Variants in ULK4 observed in about 807,000 individuals in gnomAD.
ULK4 encodes inactive serine/threonine-protein kinase ULK4.
In ULK4, 133 loss-of-function variants were observed where a neutral mutation model predicts 160.6. The ratio of observed to expected loss-of-function variants is 0.83; its 90% CI spans 0.72 to 0.96. ULK4 has a LOEUF of 0.96. ULK4 is among the 40% of genes least tolerant of loss of function. The pLI is 0.00. For synonymous variants in ULK4, 534 were observed against 539.8 expected (o/e 0.99, Z 0.15); for missense variants, 1,580 against 1,499.5 (o/e 1.05, Z -0.89).
At chr3:41,935,209 A>ATTTTTTTTTTTTTTTTTTT (rs10524611) in intron 4 of ULK4, among the ~76,000 whole-genome samples, 3 of 135,552 alleles carry the variant, frequency 2.2e-5, no homozygotes, top group African/African-American at 6.5e-5. Flanking sequence ...TTATTTATTT[A>ATTTTTTTTTTTTTTTTTTT]TTTTTTTTTT....
intron 35 of ULK4, among the ~76,000 whole-genome samples, chr3:41,263,088 C>CACTG (rs1271183721): frequency 6.6e-6 from 1 of 152,170 alleles, no homozygotes; most frequent in African/African-American, 2.4e-5. Context: ...ATTTCTAAGG[C>CACTG]ACTGGCATGA....
At chr3:41,319,870 G>C (rs905388547) in intron 35 of ULK4, among the ~76,000 whole-genome samples, 4 of 152,142 alleles carry the variant, frequency 2.6e-5, no homozygotes, top group Non-Finnish European at 5.9e-5. Flanking sequence ...TAAATGGAGA[G>C]CCCAAGCCTT....
intron 35 of ULK4, among the ~76,000 whole-genome samples, chr3:41,252,597 G>A (rs1307836941): frequency 7.3e-6 from 1 of 137,286 alleles, no homozygotes; most frequent in African/African-American, 2.7e-5. Context: ...TCCAATCTCA[G>A]CAGCAGAGAT....
chr3:41,559,058 C>G (rs1436743062), intron 32 of ULK4, among the ~76,000 whole-genome samples: 2 of 136,582 alleles, frequency 1.5e-5, no homozygotes, highest in South Asian at 2.6e-4. Flanking sequence ...CCCGGTGTAT[C>G]ATGTTCCCCT....
At chr3:41,264,122 G>A (rs1283988766) in intron 35 of ULK4, among the ~76,000 whole-genome samples, 15 of 152,194 alleles carry the variant, frequency 9.9e-5, no homozygotes, top group Admixed American at 9.8e-4. Context: ...GAGAACATGT[G>A]AGGGACTTAT....
chr3:41,312,787 A>C (rs548494774), intron 35 of ULK4, among the ~76,000 whole-genome samples: 87 of 152,156 alleles, frequency 5.7e-4, no homozygotes, highest in Non-Finnish European at 1.1e-3. Context: ...CAGCCTGGGC[A>C]ACAGAGTGAG....
chr3:41,878,085 A>G (rs1379577567), intron 17 of ULK4, among the ~76,000 whole-genome samples: 2 of 135,060 alleles, frequency 1.5e-5, no homozygotes, highest in African/African-American at 7.7e-5. Flanking sequence ...TACCAGGAAA[A>G]AAAAAAAAAA....
chr3:41,541,429 A>G (rs2086691283), intron 32 of ULK4, among the ~76,000 whole-genome samples: 1 of 152,128 alleles, frequency 6.6e-6, no homozygotes, highest in Non-Finnish European at 1.5e-5. Context: ...TTGTTACTGT[A>G]GCCTTGTAGC....
At chr3:41,805,996 CA>C (rs1419806397) in intron 19 of ULK4, among the ~76,000 whole-genome samples, 1 of 144,850 alleles carries the variant, frequency 6.9e-6, no homozygotes, top group African/African-American at 2.6e-5. Context: ...ATGCTGGCCT[CA>C]TAAAATGAGT....
At chr3:41,850,660 T>TTTGG (rs1204206532) in intron 17 of ULK4, among the ~76,000 whole-genome samples, 2 of 151,756 alleles carry the variant, frequency 1.3e-5, no homozygotes, top group East Asian at 1.9e-4. Context: ...GATGGGGTTG[T>TTTGG]TTTTTTCTTG....
chr3:41,397,003 T>G (rs1480302498), intron 35 of ULK4, among the ~76,000 whole-genome samples: 1 of 152,076 alleles, frequency 6.6e-6, no homozygotes, highest in Non-Finnish European at 1.5e-5. Flanking sequence ...TGTCTACCTA[T>G]CAAATTGGTG....
intron 35 of ULK4, among the ~76,000 whole-genome samples, chr3:41,380,888 A>T (rs2081635229): frequency 6.6e-6 from 1 of 152,066 alleles, no homozygotes; most frequent in South Asian, 2.1e-4. Context: ...GCTGTAACTG[A>T]AACTGGGCTT....
At chr3:41,469,602 C>CAAAAAAA (rs71616008) in intron 32 of ULK4, among the ~76,000 whole-genome samples, 9 of 11,306 alleles carry the variant, frequency 8.0e-4, no homozygotes, top group African/African-American at 2.5e-3. Context: ...CTACACCTGC[C>CAAAAAAA]AAAAAAAAAA....
chr3:41,526,389 C>T (rs2086118014), intron 32 of ULK4, among the ~76,000 whole-genome samples: 3 of 152,290 alleles, frequency 2.0e-5, no homozygotes, highest in East Asian at 3.9e-4. Context: ...TACTTAAACA[C>T]TCAAGAGACC....
chr3:41,594,851 A>G (rs1343811741), intron 31 of ULK4, among the ~76,000 whole-genome samples: 1 of 152,140 alleles, frequency 6.6e-6, no homozygotes, highest in African/African-American at 2.4e-5. Flanking sequence ...CTGAAACAGG[A>G]TGGTGGCTTG....
intron 34 of ULK4, among the ~76,000 whole-genome samples, chr3:41,407,704 A>T (rs2082322222): frequency 6.6e-6 from 1 of 152,214 alleles, no homozygotes; most frequent in South Asian, 2.1e-4. Flanking sequence ...TAGGAACAGA[A>T]GGGAACTTTC....
rs111940729 is a variant in ULK4, at chr3:41,440,823, T to C, written c.3492+14674A>G. Among the ~76,000 whole-genome samples the C allele has an allele frequency of 6.4e-3, 972 of 152,246 alleles. 12 individuals carry two copies. The highest frequency in any genetic ancestry group is 0.022 in the African/African-American group (928 of 41,590). On this transcript the variant is annotated intron_variant, in intron 34 of 36. Coordinates refer to ENST00000301831, the MANE Select transcript of ULK4 (RefSeq NM_017886.4). ...TTAAACTAAAAATTCTATTTTTTAA[T>C]AGACACAGGGTTATTCAGGTTGTTT...
chr3:41,434,474 T>C (rs2082988027), intron 34 of ULK4, among the ~76,000 whole-genome samples: 1 of 152,202 alleles, frequency 6.6e-6, no homozygotes, highest in Non-Finnish European at 1.5e-5. Context: ...AAGCAAACAC[T>C]ATTTTTTGTG....
chr3:41,749,870 G>A (rs1305378468), intron 22 of ULK4, among the ~76,000 whole-genome samples: 1 of 152,126 alleles, frequency 6.6e-6, no homozygotes, highest in Non-Finnish European at 1.5e-5. Flanking sequence ...TGCTTCTCAA[G>A]GCATGAGAAG....
Sources: allele counts gnomAD v4.1 joint callset (sites outside exome capture counted in the v4.1 genomes callset), GRCh38; gene constraint gnomAD v4.1.1; transcripts MANE v1.5; gene names NCBI Gene and HGNC (gene_info 2026-07-23, HGNC 2026-07-21).